ANO10: variants seen among roughly 807,000 people sequenced by gnomAD.
ANO10 encodes anoctamin-10.
Under a neutral mutation model 74.7 loss-of-function variants are expected in ANO10, and 77 were observed. The observed-to-expected ratio is 1.03, with a 90% CI of 0.86 to 1.25. The LOEUF (loss-of-function observed/expected upper bound fraction) is 1.25, where lower values mean the gene tolerates loss of function less well. ANO10 is among the 50% of genes most tolerant of loss of function. The pLI is 0.00. For synonymous variants in ANO10, 279 were observed against 284.9 expected (o/e 0.98, Z 0.21); for missense variants, 721 against 778.1 (o/e 0.93, Z 0.87).
intron 1 of ANO10, among the ~76,000 whole-genome samples, chr3:43,607,809 A>T (rs1309800385): frequency 6.6e-6 from 1 of 152,206 alleles, no homozygotes; most frequent in Non-Finnish European, 1.5e-5. Context: ...AAGAACTGAA[A>T]ATTATTTTTA....
chr3:43,617,836 G>A (rs989962142), intron 1 of ANO10, among the ~76,000 whole-genome samples: 8 of 152,268 alleles, frequency 5.3e-5, no homozygotes, highest in East Asian at 1.9e-4. Flanking sequence ...AAACAGGAAC[G>A]AAAAGTATTC....
At chr3:43,524,406 A>C (rs544223652) in intron 11 of ANO10, among the ~76,000 whole-genome samples, 2 of 92,302 alleles carry the variant, frequency 2.2e-5, no homozygotes, top group Non-Finnish European at 5.1e-5. Flanking sequence ...AGAGCTGTCT[A>C]TAAGTGGTAA....
intron 11 of ANO10, among the ~76,000 whole-genome samples, chr3:43,499,090 G>C (rs1461078907): frequency 6.6e-6 from 1 of 152,158 alleles, no homozygotes; most frequent in Non-Finnish European, 1.5e-5. Context: ...GGCTCATGTA[G>C]AGAAACCACT....
At position 43,561,448 on chromosome 3, in the gene ANO10, A is replaced by G. The variant is rs538683910; in HGVS notation, c.1294-46T>C. 6.7e-6 allele frequency: 10 copies of G among 1,502,926 alleles called. No individual in the cohort carries two copies. In the South Asian group the frequency reaches 1.1e-4, roughly 17 times the overall value. The allele number at this position is 1,502,926 out of a possible 1,614,324, so 93.1% of individuals were successfully genotyped here. ...CACATTTTGGGAATACAGCTTAATA[A>G]AACTATAGCATTTGTATAAATTATA... On this transcript the variant is annotated intron_variant, in intron 8 of 12. Transcript: ENST00000292246.
intron 1 of ANO10, among the ~76,000 whole-genome samples, chr3:43,686,820 T>C (rs2149584813): frequency 6.6e-6 from 1 of 152,308 alleles, no homozygotes; most frequent in Non-Finnish European, 1.5e-5. Context: ...AGGGTTGCTC[T>C]AGAGCTCATT....
chr3:43,381,594 G>C (rs986661380), intron 12 of ANO10, among the ~76,000 whole-genome samples: 1 of 152,144 alleles, frequency 6.6e-6, no homozygotes, highest in African/African-American at 2.4e-5. Flanking sequence ...CCTAAGAAAT[G>C]AAATAGACAG....
At chr3:43,525,177 G>C (rs989915291) in intron 11 of ANO10, among the ~76,000 whole-genome samples, 1 of 152,104 alleles carries the variant, frequency 6.6e-6, no homozygotes, top group African/African-American at 2.4e-5. Context: ...GTGCAGCCAG[G>C]TCATCTGGCC....
chr3:43,397,978 C>T (rs2092413169), intron 12 of ANO10, among the ~76,000 whole-genome samples: 1 of 152,198 alleles, frequency 6.6e-6, no homozygotes, highest in African/African-American at 2.4e-5. Flanking sequence ...GTTACTCCAT[C>T]TTGACAGGAA....
intron 11 of ANO10, among the ~76,000 whole-genome samples, chr3:43,508,249 T>C (rs2077370379): frequency 6.6e-6 from 1 of 152,148 alleles, no homozygotes; most frequent in African/African-American, 2.4e-5. Flanking sequence ...AGCTACAGAC[T>C]GGGAAAAAAT....
chr3:43,591,926 G>C (rs2081787762), intron 4 of ANO10, among the ~76,000 whole-genome samples: 1 of 152,204 alleles, frequency 6.6e-6, no homozygotes, highest in African/African-American at 2.4e-5. Context: ...AATGGTCTTA[G>C]CAAACGGCAC....
intron 11 of ANO10, among the ~76,000 whole-genome samples, chr3:43,468,450 A>G (rs2075718963): frequency 6.6e-6 from 1 of 152,244 alleles, no homozygotes; most frequent in South Asian, 2.1e-4. Flanking sequence ...CACCAGTGGA[A>G]GAACTGTCAC....
intron 2 of ANO10, among the ~76,000 whole-genome samples, 196 bp from the exon 3 acceptor site, chr3:43,600,777 A>C (rs1468225131): frequency 6.6e-6 from 1 of 152,202 alleles, no homozygotes; most frequent in African/African-American, 2.4e-5. Context: ...TAAATGGAAA[A>C]ACTGAAAAAT....
At chr3:43,549,561 T>A (rs2079359623) in intron 11 of ANO10, among the ~76,000 whole-genome samples, 159 bp downstream of exon 11, 1 of 152,238 alleles carries the variant, frequency 6.6e-6, no homozygotes, top group Non-Finnish European at 1.5e-5. Context: ...ATACACAGCC[T>A]GAATCCTCAT....
intron 11 of ANO10, among the ~76,000 whole-genome samples, chr3:43,496,621 G>T (rs1575264940): frequency 6.6e-6 from 1 of 152,000 alleles, no homozygotes; most frequent in Middle Eastern, 3.4e-3. Flanking sequence ...TATATTTTTT[G>T]GGGGTGGGGG....
In ANO10 at chr3:43,686,280, T is replaced by C. The variant is rs117298755; in HGVS notation, c.-12+5237A>G. Among the ~76,000 whole-genome samples the C allele has an allele frequency of 3.0e-4, 45 of 152,308 alleles. No homozygotes were observed. In the East Asian group the frequency reaches 7.9e-3, roughly 27 times the overall value. On this transcript the variant is annotated intron_variant, in intron 1 of 3. Transcript: ENST00000413397. ...AAGGGACCTCAAGAATTGTTTAGTCTAAAACTTTTATTCTTTTTTTTTGGA... is the reference window on the plus strand; with the variant it reads ...AAGGGACCTCAAGAATTGTTTAGTCCAAAACTTTTATTCTTTTTTTTTGGA...
intron 1 of ANO10, among the ~76,000 whole-genome samples, chr3:43,658,957 AT>A (rs1314631434): frequency 2.0e-5 from 3 of 152,272 alleles, no homozygotes; most frequent in African/African-American, 7.2e-5. Flanking sequence ...ATATTTTATT[AT>A]AAAGCATTAA....
Position 43,523,925 on chromosome 3 carries a change from T to C in ANO10, c.1797+25795A>G, listed in dbSNP as rs545847045. Among the ~76,000 whole-genome samples, 11 of 149,694 alleles carry C rather than the reference T, an allele frequency of 7.3e-5. No homozygotes were observed. The East Asian group carries it at 2.0e-3, about 27-fold the overall frequency. Reference sequence around the variant, plus strand: ...CATCCAGAGACTAGAGTGTAAGCCATGGAGTAGATGAGCTCATCCAGGGGC... The same window carrying C: ...CATCCAGAGACTAGAGTGTAAGCCACGGAGTAGATGAGCTCATCCAGGGGC... On this transcript the variant is annotated intron_variant, in intron 11 of 12. Transcript: ENST00000292246.
At chr3:43,431,866 A>G (rs1446504318) in intron 12 of ANO10, among the ~76,000 whole-genome samples, 2 of 150,736 alleles carry the variant, frequency 1.3e-5, no homozygotes, top group Non-Finnish European at 3.0e-5. Context: ...TTTTCTCCCC[A>G]CTCCCCAAAT....
chr3:43,438,590 C>CA (rs199888669), intron 11 of ANO10, among the ~76,000 whole-genome samples: 2,628 of 151,764 alleles, frequency 0.017, 31 homozygotes, highest in Middle Eastern at 0.065. Flanking sequence ...GCTAAAAATA[C>CA]AAAAAATTTA....
Sources: allele counts gnomAD v4.1 joint callset (sites outside exome capture counted in the v4.1 genomes callset), GRCh38; gene constraint gnomAD v4.1.1; transcripts MANE v1.5; gene names NCBI Gene and HGNC (gene_info 2026-07-23, HGNC 2026-07-21).